Variants in PCLO observed in about 807,000 individuals in gnomAD.
PCLO encodes the protein protein piccolo.
PCLO carries 82 observed loss-of-function variants against 427.5 expected under a neutral mutation model. The observed-to-expected ratio is 0.19, with a 90% confidence interval of 0.16 to 0.23. PCLO has a LOEUF of 0.23. Ranked by LOEUF, PCLO falls within the 10% of genes least tolerant of loss-of-function variation. PCLO has a pLI of 1.00. For missense variants in PCLO, 6,239 were observed against 6,115.9 expected (o/e 1.02, Z -0.67); for synonymous variants, 2,357 against 2,155.4 (o/e 1.09, Z -2.59).
intron 1 of PCLO, among the ~76,000 whole-genome samples, chr7:83,158,473 A>G (rs1792353129): frequency 6.6e-6 from 1 of 151,962 alleles, no homozygotes; most frequent in Non-Finnish European, 1.5e-5. Flanking sequence ...TTTTATTTAA[A>G]TAACTTCCCT....
In PCLO at chr7:82,916,206, G is replaced by A. The variant is rs750331614; in HGVS notation, c.11780C>T (p.Thr3927Ile). 7 of 1,613,536 alleles carry A rather than the reference G, an allele frequency of 4.3e-6. No individual in the cohort carries two copies. The change falls in exon 7 of 25, where the codon ACA (threonine) becomes ATA (isoleucine). Residue 3927 changes from threonine (T) to isoleucine (I), a missense_variant. Transcript: ENST00000333891. ...GGACATTGTTGCCACAGCTTGGAAT[G>A]TTGGCTGAGTCTGATAAGGTGAAAC... ...QQVSPYQTQP[T>I]FQAVATMSFT...
intron 17 of PCLO, 79 bp from the exon 18 acceptor site, chr7:82,826,739 T>G: frequency 1.2e-6 from 1 of 836,916 alleles, no homozygotes. Flanking sequence ...GTAGACATAT[T>G]TATTTTTTTC....
intron 3 of PCLO, among the ~76,000 whole-genome samples, chr7:82,988,533 A>C (rs1468331442): frequency 2.0e-5 from 3 of 150,662 alleles, no homozygotes; most frequent in African/African-American, 7.4e-5. Context: ...GTACCTAAAT[A>C]ATTGTTTTTG....
At position 82,864,820 on chromosome 7, in the gene PCLO, A is replaced by T. The variant is rs539428321; in HGVS notation, c.13654+14517T>A. Among the ~76,000 whole-genome samples the T allele has an allele frequency of 2.0e-5, 3 of 152,312 alleles. No individual in the cohort carries two copies. In the South Asian group the frequency reaches 6.2e-4, roughly 32 times the overall value. On this transcript the variant is annotated intron_variant, in intron 10 of 24. Coordinates refer to ENST00000333891, the MANE Select transcript of PCLO (RefSeq NM_033026.6). ...AGAATGGTTAAGATTTAAAAAAAAT[A>T]AGACAGGAATTCAAAATTGCAATTG...
chr7:82,825,065 A>C (rs1369379715), intron 18 of PCLO, among the ~76,000 whole-genome samples: 2 of 152,200 alleles, frequency 1.3e-5, no homozygotes, highest in Non-Finnish European at 2.9e-5. Context: ...AATGGAAAAG[A>C]ATGAGTAAGT....
chr7:83,067,285 G>A (rs936898394), intron 3 of PCLO, among the ~76,000 whole-genome samples: 1 of 152,104 alleles, frequency 6.6e-6, no homozygotes, highest in Non-Finnish European at 1.5e-5. Context: ...CACATGAAAA[G>A]GGGTAGTACA....
At chr7:82,928,624 C>G (rs961508504) in intron 6 of PCLO, among the ~76,000 whole-genome samples, 1 of 152,140 alleles carries the variant, frequency 6.6e-6, no homozygotes, top group Non-Finnish European at 1.5e-5. Context: ...ATCCACCCGC[C>G]TCGGCCTCCC....
chr7:82,771,595 T>C (rs889429882), intron 22 of PCLO, among the ~76,000 whole-genome samples: 7 of 152,048 alleles, frequency 4.6e-5, no homozygotes, highest in African/African-American at 1.7e-4. Context: ...AAATACAGTA[T>C]ATATTACTAC....
At chr7:82,854,515 C>A (rs565026817) in intron 10 of PCLO, among the ~76,000 whole-genome samples, 1 of 152,052 alleles carries the variant, frequency 6.6e-6, no homozygotes, top group East Asian at 1.9e-4. Flanking sequence ...AATATTCTTT[C>A]AAATTTTAGT....
intron 3 of PCLO, among the ~76,000 whole-genome samples, chr7:82,976,708 T>A (rs1286084739): frequency 2.0e-5 from 3 of 152,092 alleles, no homozygotes; most frequent in Non-Finnish European, 4.4e-5. Flanking sequence ...CTTCAAAGGT[T>A]TAGTTTCTAA....
At chr7:82,847,353 C>T (rs1260665526) in intron 10 of PCLO, 106 bp from the exon 11 acceptor site, 3 of 622,356 alleles carry the variant, frequency 4.8e-6, no homozygotes, top group Non-Finnish European at 5.6e-6. Flanking sequence ...CTCAGCACAC[C>T]ATTTTAGAGA....
At chr7:83,123,670 C>T (rs1392181738) in intron 3 of PCLO, among the ~76,000 whole-genome samples, 2 of 151,988 alleles carry the variant, frequency 1.3e-5, no homozygotes, top group Non-Finnish European at 2.9e-5. Flanking sequence ...AAGGAAAGAA[C>T]AAAGTGAAGG....
chr7:83,106,763 A>G (rs1387117577), intron 3 of PCLO, among the ~76,000 whole-genome samples: 1 of 152,180 alleles, frequency 6.6e-6, no homozygotes, highest in East Asian at 1.9e-4. Context: ...CAACATTCCC[A>G]GAAGTATGTC....
intron 6 of PCLO, among the ~76,000 whole-genome samples, chr7:82,939,447 GTT>G (rs1795028077): frequency 6.6e-6 from 1 of 151,662 alleles, no homozygotes; most frequent in African/African-American, 2.4e-5. Context: ...TCTCTATTGT[GTT>G]TTGTTTCTTG....
chr7:83,148,594 CT>C (rs201998026), intron 2 of PCLO, among the ~76,000 whole-genome samples: 21 of 151,158 alleles, frequency 1.4e-4, no homozygotes, highest in Middle Eastern at 3.4e-3. Context: ...AACTGAGTTC[CT>C]TTTTTTTTAC....
At chr7:82,856,373 T>C (rs989522340) in intron 10 of PCLO, among the ~76,000 whole-genome samples, 1 of 152,164 alleles carries the variant, frequency 6.6e-6, no homozygotes, top group Non-Finnish European at 1.5e-5. Context: ...GTTAGAAGAT[T>C]ATCATGATAA....
intron 6 of PCLO, among the ~76,000 whole-genome samples, chr7:82,942,904 AAC>A (rs1795118244): frequency 6.6e-6 from 1 of 152,082 alleles, no homozygotes; most frequent in Admixed American, 6.6e-5. Context: ...ACCATTATAA[AAC>A]AGTTTTAAAG....
rs752095248 is a variant in PCLO, at chr7:82,838,218, C to G, written c.14222G>C (p.Gly4741Ala). 1 of 1,595,570 alleles carries G rather than the reference C, an allele frequency of 6.3e-7. No homozygotes were observed. Among genetic ancestry groups the G allele is most frequent in the South Asian group, 1.1e-5 (1 of 88,698 alleles). ...FVKVYLLPGR[G>A]QVMVVQNASA... ...TGAAGTACTTCTTAATTTTACTTAC[C>G]CTCTCCCTGGAAGAAGGTACACTTT... Residue 4741 changes from glycine (G) to alanine (A), a missense_variant and splice_region_variant, in exon 15 of 25, where the codon GGT (glycine) becomes GCT (alanine). By Grantham distance (60) the Gly-to-Ala change is moderately conservative (BLOSUM62 0). Coordinates refer to ENST00000333891, the MANE Select transcript of PCLO (RefSeq NM_033026.6).
chr7:83,142,846 C>T (rs1240205778), intron 2 of PCLO, among the ~76,000 whole-genome samples: 1 of 152,092 alleles, frequency 6.6e-6, no homozygotes, highest in Non-Finnish European at 1.5e-5. Flanking sequence ...GTAATCCCAG[C>T]TACTCGGGAG....
Sources: allele counts gnomAD v4.1 joint callset (sites outside exome capture counted in the v4.1 genomes callset), GRCh38; gene constraint gnomAD v4.1.1; transcripts MANE v1.5; gene names NCBI Gene and HGNC (gene_info 2026-07-23, HGNC 2026-07-21).